The following PRR5 variants were observed in gnomAD, a reference collection of about 807,000 sequenced individuals.
PRR5 encodes the protein proline rich 5, also known as proline-rich protein 5.
PRR5 carries 25 observed loss-of-function variants against 30.6 expected under a neutral mutation model. The ratio of observed to expected loss-of-function variants is 0.82; its 90% confidence interval spans 0.60 to 1.14. PRR5 has a LOEUF of 1.14. PRR5 is among the 50% of genes most tolerant of loss of function. The pLI, the probability that PRR5 is intolerant of heterozygous loss-of-function variation, is 0.00. For missense variants in PRR5, 600 were observed against 547.1 expected, an observed-to-expected ratio of 1.10 and a Z score of -0.96; for synonymous variants, 286 against 247.1, an observed-to-expected ratio of 1.16 and a Z score of -1.48.
Position 44,737,411 on chromosome 22 carries a change from ACCAT to A in PRR5, c.*166_*169del. 1.5e-6 allele frequency: 2 copies of A among 1,343,682 alleles called. No individual in the cohort carries two copies. Among genetic ancestry groups the A allele is most frequent in the Middle Eastern group, 2.7e-4 (1 of 3,726 alleles). 83.2% of individuals were successfully genotyped at this position (1,343,682 alleles called of 1,614,324 possible). On this transcript the variant is annotated 3_prime_UTR_variant, in exon 8 of 8. Coordinates refer to ENST00000336985, the MANE Select transcript of PRR5 (RefSeq NM_181333.4). ...TTGTATTTCTGTCTTGGTTGGAAAT[ACCAT>A]CAGCCTTCCTTGCTCGGCCCAGGTC...
chr22:44,726,938 C>T (rs954241540), intron 4 of PRR5, among the ~76,000 whole-genome samples: 1 of 152,184 alleles, frequency 6.6e-6, no homozygotes, highest in Non-Finnish European at 1.5e-5. Context: ...TCTGTCCCCG[C>T]AGCCTGGGAG....
chr22:44,735,132 G>T lies in PRR5; in HGVS notation c.661G>T (p.Glu221Ter), dbSNP rs140036609. ...GGGCACCTACGGCCTCCACTCCAGC[G>T]AGGGGCCCTTCACCCATTCCTGCAT... ...YLGTYGLHSS[E>*]GPFTHSCILE... The change falls in exon 7 of 8, where the codon GAG becomes TAG. Residue 221 changes from glutamate (E) to a stop codon, truncating the protein, a stop_gained. Transcript: ENST00000336985. LOFTEE classifies it low-confidence loss of function (END_TRUNC). 3 of 1,613,002 alleles carry T rather than the reference G, an allele frequency of 1.9e-6. No homozygotes were observed. Among genetic ancestry groups the T allele is most frequent in the Non-Finnish European group, 2.5e-6 (3 of 1,179,900 alleles).
At chr22:44,726,338 C>G (rs1289742805) in intron 3 of PRR5, among the ~76,000 whole-genome samples, 1 of 152,228 alleles carries the variant, frequency 6.6e-6, no homozygotes, top group East Asian at 1.9e-4. Context: ...CCCTGCCCAC[C>G]TCTCGGGATG....
intron 1 of PRR5, among the ~76,000 whole-genome samples, chr22:44,694,688 A>G: frequency 6.6e-6 from 1 of 152,130 alleles, no homozygotes; most frequent in East Asian, 1.9e-4. Context: ...AGCCCCAACT[A>G]ACCCACCTGT....
At chr22:44,680,396 G>C (rs559473216) in intron 1 of PRR5, among the ~76,000 whole-genome samples, 7 of 152,182 alleles carry the variant, frequency 4.6e-5, no homozygotes, top group Non-Finnish European at 8.8e-5. Context: ...GGAAGGAAAG[G>C]GGGGATGGGG....
chr22:44,734,959 T>C (rs368600632), intron 6 of PRR5, 68 bp from the exon 7 acceptor site: 8 of 1,505,756 alleles, frequency 5.3e-6, no homozygotes, highest in Non-Finnish European at 7.3e-6. Flanking sequence ...GTGGGACATA[T>C]GGTTGAGAGC....
At chr22:44,713,961 G>A (rs1305975204) in intron 1 of PRR5, among the ~76,000 whole-genome samples, 7 of 152,138 alleles carry the variant, frequency 4.6e-5, no homozygotes, top group African/African-American at 9.7e-5. Context: ...CCGCCATCGC[G>A]CCCTGCTGAT....
intron 2 of PRR5, among the ~76,000 whole-genome samples, chr22:44,723,847 G>A (rs918604523): frequency 6.6e-6 from 1 of 152,180 alleles, no homozygotes; most frequent in African/African-American, 2.4e-5. Flanking sequence ...GCTTTTTCTT[G>A]TATCCATTTT....
intron 2 of PRR5, among the ~76,000 whole-genome samples, chr22:44,722,347 C>T (rs1007480907): frequency 6.6e-6 from 1 of 152,240 alleles, no homozygotes; most frequent in Admixed American, 6.5e-5. Context: ...TGTGACTGGC[C>T]TGCCTCAGCA....
chr22:44,734,940 G>C, intron 6 of PRR5, 87 bp from the exon 7 acceptor site: 1 of 1,465,152 alleles, frequency 6.8e-7, no homozygotes, highest in African/African-American at 1.4e-5. Context: ...AGGACAGGCT[G>C]TCTGGTGGGT....
upstream of PRR5, among the ~76,000 whole-genome samples, chr22:44,701,632 A>T (rs1466032110): frequency 6.6e-6 from 1 of 152,098 alleles, no homozygotes; most frequent in Non-Finnish European, 1.5e-5. Flanking sequence ...CAAACCCTCT[A>T]CTTCTTCAAG....
chr22:44,674,581 C>T (rs527971589), upstream of PRR5, among the ~76,000 whole-genome samples: 29 of 151,834 alleles, frequency 1.9e-4, no homozygotes, highest in South Asian at 3.8e-3. Flanking sequence ...ATTAGCCGGG[C>T]GTGGTGGCAG....
upstream of PRR5, among the ~76,000 whole-genome samples, chr22:44,699,184 C>T (rs11705437): frequency 0.11 from 16,119 of 152,208 alleles, 986 homozygotes; most frequent in Middle Eastern, 0.18. Flanking sequence ...TCCCAGATGC[C>T]TACAGCATTC....
chr22:44,705,283 C>CT (rs75441664), intron 1 of PRR5, among the ~76,000 whole-genome samples: 2,599 of 152,244 alleles, frequency 0.017, 29 homozygotes, highest in East Asian at 0.039. Context: ...CTCCCCATGG[C>CT]TTTCATTTCC....
At chr22:44,679,628 AC>A (rs1293572467) in intron 1 of PRR5, 4 of 550,392 alleles carry the variant, frequency 7.3e-6, no homozygotes, top group Non-Finnish European at 1.3e-5. Context: ...AAGCACTTGA[AC>A]CCAGGAGGCG....
At chr22:44,730,134 C>T (rs1012234651) in intron 4 of PRR5, 6 of 985,066 alleles carry the variant, frequency 6.1e-6, no homozygotes, top group Non-Finnish European at 7.2e-6. Context: ...CTAGTGCCCT[C>T]GAACCTACAT....
chr22:44,736,699 G>A (rs1246589577), intron 7 of PRR5, 73 bp from the exon 8 acceptor site: 3 of 1,503,400 alleles, frequency 2.0e-6, no homozygotes, highest in Non-Finnish European at 2.7e-6. Flanking sequence ...CCAGTGTGCA[G>A]TGAGCAGCAG....
chr22:44,702,484 C>T lies in PRR5; in HGVS notation c.10C>T (p.Leu4Phe). Residue 4 changes from leucine (L) to phenylalanine (F), a missense_variant, in exon 1 of 8, where the codon CTC becomes TTC. Transcript: ENST00000336985. MRT[L>F]RRLKFMSSPS... ...GGCGGCCCGGGTCACCATGAGGACTCTCCGCAGGTTGAAGTTCATGAGTTC... is the reference window on the plus strand; with the variant it reads ...GGCGGCCCGGGTCACCATGAGGACTTTCCGCAGGTTGAAGTTCATGAGTTC... The T allele has an allele frequency of 1.4e-6, 2 of 1,460,630 alleles. No homozygotes were observed. The highest frequency in any genetic ancestry group is 2.7e-5 in the South Asian group (2 of 75,282). The allele number at this position is 1,460,630 out of a possible 1,614,324, so 90.5% of individuals were successfully genotyped here.
chr22:44,714,240 A>T (rs1314626071), intron 1 of PRR5, among the ~76,000 whole-genome samples: 20 of 152,054 alleles, frequency 1.3e-4, no homozygotes, highest in Admixed American at 1.3e-3. Flanking sequence ...CAGGACTTGG[A>T]TGTGTTGGGG....
Sources: gnomAD v4.1 joint callset for allele counts (sites outside exome capture counted in the v4.1 genomes callset) on GRCh38, gnomAD v4.1.1 for gene constraint, MANE v1.5 for transcripts, NCBI Gene and HGNC (gene_info 2026-07-23, HGNC 2026-07-21) for gene names.